The following ITGAM variants were observed in gnomAD, a reference collection of about 807,000 sequenced individuals.
ITGAM encodes the protein integrin alpha-M.
Under a neutral mutation model 137.5 loss-of-function variants are expected in ITGAM, and 79 were observed. The ratio of observed to expected loss-of-function variants is 0.57; its 90% CI spans 0.48 to 0.69. The LOEUF is 0.69. Ranked by LOEUF, ITGAM falls within the 30% of genes least tolerant of loss-of-function variation. ITGAM has a pLI of 0.00. For missense variants in ITGAM, 1,343 were observed against 1,483.5 expected (o/e 0.91, Z 1.56); for synonymous variants, 583 against 592.3 (o/e 0.98, Z 0.23).
intron 9 of ITGAM, 100 bp from the exon 10 acceptor site, chr16:31,276,571 A>C (rs886183207): frequency 1.3e-6 from 1 of 781,850 alleles, no homozygotes; most frequent in African/African-American, 1.7e-5. Context: ...ACCTCAAGTG[A>C]TCTGCCCATC....
rs141449778 is a variant in ITGAM, at chr16:31,303,016, TTCTC to T, written c.1707+5066_1707+5069del. Among the ~76,000 whole-genome samples, 2 of 143,698 alleles carry T rather than the reference TTCTC, an allele frequency of 1.4e-5. 1 individual carries two copies. The highest frequency in any genetic ancestry group is 5.6e-5 in the African/African-American group (2 of 35,736). The allele number at this position is 143,698 out of a possible 152,430, so 94.3% of individuals were successfully genotyped here. A position where few individuals can be genotyped will look rare whatever the true frequency, so the allele number is the denominator to read the frequency against. On this transcript the variant is annotated intron_variant, in intron 14 of 29. Coordinates refer to ENST00000544665, the MANE Select transcript of ITGAM (RefSeq NM_000632.4). Reference sequence around the variant, plus strand: ...TCTTTCTTTTTCTTTCTCTCTTTCTTTCTCTCTGTTTCTTTCTCTCTCTTTTTAT... The same window carrying T: ...TCTTTCTTTTTCTTTCTCTCTTTCTTTCTGTTTCTTTCTCTCTCTTTTTAT...
At position 31,331,260 on chromosome 16, in the gene ITGAM, C is replaced by A; in HGVS notation, c.3372C>A (p.Thr1124=). The A allele has an allele frequency of 6.2e-7, 1 of 1,610,182 alleles. No homozygotes were observed. The highest frequency in any genetic ancestry group is 1.1e-5 in the South Asian group (1 of 90,990). ...GACTGCTGCTCCTGGCCCTCATCAC[C>A]GCCGCGCTGTACAAGGTGCTCCCCG... The part of the protein sequence containing the change: ...VGGLLLLALI[T]AALYKLGFFK... Residue 1124 remains threonine (T), a synonymous_variant, in exon 29 of 30, where the codon ACC becomes ACA. Coordinates refer to ENST00000544665, the MANE Select transcript of ITGAM (RefSeq NM_000632.4).
chr16:31,321,763 C>A, intron 16 of ITGAM, 136 bp downstream of exon 16: 1 of 884,720 alleles, frequency 1.1e-6, no homozygotes. Context: ...CAAGCCTTAC[C>A]TGAGTGAGCA....
At chr16:31,278,771 G>T (rs1429234726) in intron 12 of ITGAM, among the ~76,000 whole-genome samples, 1 of 152,016 alleles carries the variant, frequency 6.6e-6, no homozygotes, top group Non-Finnish European at 1.5e-5. Flanking sequence ...AAGTTCTAGG[G>T]TACATGTGCA....
chr16:31,320,360 T>C (rs1222252574), intron 14 of ITGAM, among the ~76,000 whole-genome samples: 1 of 152,256 alleles, frequency 6.6e-6, no homozygotes, highest in African/African-American at 2.4e-5. Flanking sequence ...TTATAACTTT[T>C]ATACCATAAT....
At chr16:31,265,701 T>C in intron 3 of ITGAM, 110 bp from the exon 4 acceptor site, 1 of 940,810 alleles carries the variant, frequency 1.1e-6, no homozygotes, top group Non-Finnish European at 1.6e-6. Flanking sequence ...AGGATCCCCC[T>C]TCACCGTCAG....
intron 28 of ITGAM, 112 bp downstream of exon 28, chr16:31,330,717 G>A: frequency 4.3e-6 from 3 of 699,074 alleles, no homozygotes; most frequent in Non-Finnish European, 4.7e-6. Context: ...GAGACAGAGC[G>A]ACAGAGAGAC....
chr16:31,331,068 G>C (rs1414588183), intron 28 of ITGAM, 97 bp from the exon 29 acceptor site: 1 of 663,364 alleles, frequency 1.5e-6, no homozygotes, highest in African/African-American at 1.8e-5. Context: ...GACATGAGGA[G>C]GGGTTCCCCA....
chr16:31,261,090 G>A (rs1014385978), intron 1 of ITGAM, among the ~76,000 whole-genome samples: 8 of 152,010 alleles, frequency 5.3e-5, no homozygotes, highest in Non-Finnish European at 8.8e-5. Flanking sequence ...GCTAATCCCC[G>A]CCCCAGGCTA....
At chr16:31,289,078 T>C (rs1421063220) in intron 12 of ITGAM, among the ~76,000 whole-genome samples, 2 of 152,102 alleles carry the variant, frequency 1.3e-5, no homozygotes, top group Non-Finnish European at 2.9e-5. Context: ...CCAGTTAGAA[T>C]GGTGATCATT....
Position 31,324,889 on chromosome 16 carries a change from T to C in ITGAM, c.2290-69T>C. 1 of 1,549,724 alleles carries C rather than the reference T, an allele frequency of 6.5e-7. No individual in the cohort carries two copies. Among genetic ancestry groups the C allele is most frequent in the Non-Finnish European group, 8.8e-7 (1 of 1,141,716 alleles). On this transcript the variant is annotated intron_variant, in intron 18 of 29. Transcript: ENST00000544665. This position sits in a 1 kb window ranked among gnomAD's most constrained non-coding sequence, Gnocchi z 4.5. The stretch of plus-strand genomic sequence containing the variant: ...TCTAATTTTACTTCAACATTTGATT[T>C]TATTGTTTAATTTCACAATACTTGG...
Position 31,277,982 on chromosome 16 carries a change from T to A in ITGAM, c.1229T>A (p.Ile410Asn). The change falls in exon 12 of 30, where the codon ATC becomes AAC. Residue 410 changes from isoleucine to asparagine, a missense_variant. By Grantham distance (149) the Ile-to-Asn change is moderately radical. Transcript: ENST00000544665. ...NDAYLGYAAA[I>N]ILRNRVQSLV... is the part of the protein sequence containing the mutation. Reference sequence around the variant, plus strand: ...CCACCTTCAGGTTATGCTGCCGCCATCATCTTACGGAACCGGGTGCAAAGC... The same window carrying A: ...CCACCTTCAGGTTATGCTGCCGCCAACATCTTACGGAACCGGGTGCAAAGC... The A allele has an allele frequency of 4.4e-6, 7 of 1,599,608 alleles. No homozygotes were observed. In the South Asian group the frequency reaches 5.7e-5, roughly 13 times the overall value.
In ITGAM at chr16:31,331,779, C is replaced by A; in HGVS notation, c.*72C>A. On this transcript the variant is annotated 3_prime_UTR_variant, in exon 30 of 30. Transcript: ENST00000544665. Reference sequence around the variant, plus strand: ...GCCCAGACCACACGTAGCCCCCAGGCTGCTGGACACGTCGGACAGCGAAGT... The same window carrying A: ...GCCCAGACCACACGTAGCCCCCAGGATGCTGGACACGTCGGACAGCGAAGT... The A allele has an allele frequency of 8.3e-7, 1 of 1,206,836 alleles. No individual in the cohort carries two copies. The highest frequency in any genetic ancestry group is 1.2e-6 in the Non-Finnish European group (1 of 858,880). The allele number at this position is 1,206,836 out of a possible 1,614,324, so 74.8% of individuals were successfully genotyped here. A position where few individuals can be genotyped will look rare whatever the true frequency, so the allele number is the denominator to read the frequency against.
chr16:31,306,718 G>A (rs776879421), intron 14 of ITGAM, among the ~76,000 whole-genome samples: 3 of 151,948 alleles, frequency 2.0e-5, no homozygotes, highest in Non-Finnish European at 4.4e-5. Context: ...CACCATGTTG[G>A]CCAGTCTGGT....
chr16:31,302,968 CT>C (rs781216935), intron 14 of ITGAM, among the ~76,000 whole-genome samples: 2 of 109,456 alleles, frequency 1.8e-5, no homozygotes, highest in Non-Finnish European at 3.8e-5. Context: ...TTCTTTCTTT[CT>C]TTCTTTCTTT....
In ITGAM at chr16:31,324,649, AG is replaced by A; in HGVS notation, c.2158-1del. 1 of 1,604,690 alleles carries A rather than the reference AG, an allele frequency of 6.2e-7. No homozygotes were observed. Among genetic ancestry groups the A allele is most frequent in the Non-Finnish European group, 8.5e-7 (1 of 1,174,856 alleles). On this transcript the variant is annotated splice_acceptor_variant, in intron 17 of 29. Transcript: ENST00000544665. LOFTEE classifies it high-confidence loss of function. This position sits in a 1 kb window ranked among gnomAD's most constrained non-coding sequence, Gnocchi z 4.5. ...GATCCCCAAATCCCGGCTATCTCTT[AG>A]AATTGCATCGAGGACCCAGTGAGCC...
rs1359824724 is a variant in ITGAM, at chr16:31,265,870, C to A, written c.298C>A (p.Pro100Thr). ...GLSLAATTSP[P>T]QLLACGPTVH... ...GTCCCTGGCAGCCACCACCAGCCCC[C>A]CTCAGCTGCTGGTGAGTGGGGCTCG... The change falls in exon 4 of 30, where the codon CCT becomes ACT. Residue 100 changes from proline to threonine, a missense_variant. By Grantham distance (38) the Pro-to-Thr change is conservative. Coordinates refer to ENST00000544665, the MANE Select transcript of ITGAM (RefSeq NM_000632.4). 4 of 1,613,762 alleles carry A rather than the reference C, an allele frequency of 2.5e-6. No individual in the cohort carries two copies. The highest frequency in any genetic ancestry group is 1.7e-5 in the Admixed American group (1 of 59,986).
At chr16:31,326,990 C>A (rs753144365) in intron 22 of ITGAM, 55 bp downstream of exon 22, 169 of 1,352,608 alleles carry the variant, frequency 1.2e-4, no homozygotes, top group Middle Eastern at 1.8e-4. Flanking sequence ...GCCCCAGCCC[C>A]TGGCCCATGG....
At chr16:31,311,423 C>G (rs2080329554) in intron 14 of ITGAM, among the ~76,000 whole-genome samples, 1 of 151,954 alleles carries the variant, frequency 6.6e-6, no homozygotes, top group South Asian at 2.1e-4. Context: ...ACAATGAACT[C>G]AAACAAATTT....
Sources: allele counts gnomAD v4.1 joint callset (sites outside exome capture counted in the v4.1 genomes callset), GRCh38; gene constraint gnomAD v4.1.1; non-coding constraint Gnocchi (gnomAD v3.1); transcripts MANE v1.5; gene names NCBI Gene and HGNC (gene_info 2026-07-23, HGNC 2026-07-21).